SYT1: variants seen among roughly 807,000 people sequenced by gnomAD.
SYT1 encodes synaptotagmin 1.
Under a neutral mutation model 44.8 loss-of-function variants are expected in SYT1, and 8 were observed. The observed-to-expected ratio is 0.18, with a 90% CI of 0.10 to 0.32. The LOEUF is 0.32. Ranked by LOEUF, SYT1 falls within the 10% of genes least tolerant of loss-of-function variation. SYT1 has a pLI of 1.00. For synonymous variants in SYT1, 154 were observed against 188.8 expected, an observed-to-expected ratio of 0.82 and a Z score of 1.51; for missense variants, 286 against 509.3, an observed-to-expected ratio of 0.56 and a Z score of 4.22.
chr12:79,250,217 T>A (rs1039302714), intron 4 of SYT1, among the ~76,000 whole-genome samples: 2 of 152,162 alleles, frequency 1.3e-5, no homozygotes, highest in African/African-American at 2.4e-5. Flanking sequence ...GAGTTGAACA[T>A]CCCTTTTATA....
At chr12:79,408,183 T>C (rs1162816212) in intron 9 of SYT1, among the ~76,000 whole-genome samples, 1 of 152,132 alleles carries the variant, frequency 6.6e-6, no homozygotes, top group Non-Finnish European at 1.5e-5. Context: ...CAGAGGGGAT[T>C]TCCTATTGGT....
At chr12:79,287,209 T>C (rs572000685) in intron 5 of SYT1, among the ~76,000 whole-genome samples, 22 of 152,328 alleles carry the variant, frequency 1.4e-4, no homozygotes, top group Admixed American at 3.3e-4. Context: ...TTTGGAGCTA[T>C]GGAATGGATG....
chr12:79,308,843 C>G (rs1196480165), intron 8 of SYT1, among the ~76,000 whole-genome samples: 2 of 152,168 alleles, frequency 1.3e-5, no homozygotes, highest in Non-Finnish European at 2.9e-5. Flanking sequence ...GTATCATCTG[C>G]ACATACACAA....
intron 9 of SYT1, among the ~76,000 whole-genome samples, chr12:79,381,049 C>G (rs1374645925): frequency 6.6e-6 from 1 of 152,174 alleles, no homozygotes; most frequent in African/African-American, 2.4e-5. Context: ...CAACAATTTG[C>G]AGATAGGGCT....
intron 3 of SYT1, among the ~76,000 whole-genome samples, chr12:79,129,395 T>C (rs1175222766): frequency 6.6e-6 from 1 of 152,036 alleles, no homozygotes; most frequent in South Asian, 2.1e-4. Flanking sequence ...CAAAGAAAGA[T>C]CAAATGCTCA....
In SYT1 at chr12:79,198,411, T is replaced by C. The variant is rs183482448; in HGVS notation, c.-17-19092T>C. On this transcript the variant is annotated intron_variant, in intron 3 of 10. Coordinates refer to ENST00000261205, the MANE Select transcript of SYT1 (RefSeq NM_005639.3). ...TTATTATTCTTCATAGAGCAAAATGTTTCACAGTTAATCTTAACAGTACTT... is the reference window on the plus strand; with the variant it reads ...TTATTATTCTTCATAGAGCAAAATGCTTCACAGTTAATCTTAACAGTACTT... Among the ~76,000 whole-genome samples, 314 of 152,316 alleles carry C rather than the reference T, an allele frequency of 2.1e-3. 1 individual carries two copies. The highest frequency in any genetic ancestry group is 7.1e-3 in the African/African-American group (296 of 41,574).
intron 1 of SYT1, among the ~76,000 whole-genome samples, chr12:78,964,401 C>G (rs969872243): frequency 5.3e-5 from 8 of 152,010 alleles, no homozygotes; most frequent in African/African-American, 1.9e-4. Flanking sequence ...AAAAGAAATC[C>G]TTTATGTGCT....
intron 1 of SYT1, among the ~76,000 whole-genome samples, chr12:78,895,119 T>C (rs1189345524): frequency 2.0e-5 from 3 of 151,704 alleles, no homozygotes; most frequent in Non-Finnish European, 4.4e-5. Flanking sequence ...GTATTCTCCG[T>C]TGAGGTTTTC....
chr12:79,069,154 G>A (rs1876093699), intron 3 of SYT1, among the ~76,000 whole-genome samples: 1 of 152,148 alleles, frequency 6.6e-6, no homozygotes, highest in Non-Finnish European at 1.5e-5. Context: ...TCAGAAGAGA[G>A]AGAACAGGAA....
chr12:79,336,609 TG>T (rs1449706347), intron 8 of SYT1, among the ~76,000 whole-genome samples: 2 of 152,104 alleles, frequency 1.3e-5, no homozygotes, highest in Non-Finnish European at 2.9e-5. Flanking sequence ...TGGCCCCCTC[TG>T]ACCTCCCTAA....
intron 4 of SYT1, among the ~76,000 whole-genome samples, chr12:79,274,119 A>G (rs1199379294): frequency 2.6e-5 from 4 of 152,176 alleles, no homozygotes; most frequent in African/African-American, 9.7e-5. Context: ...AAACTCCCAA[A>G]TGAGATTCGT....
chr12:79,340,075 C>T (rs1882292022), intron 8 of SYT1, among the ~76,000 whole-genome samples: 1 of 152,088 alleles, frequency 6.6e-6, no homozygotes, highest in South Asian at 2.1e-4. Context: ...TTACTGTAGC[C>T]TTGTAGTATA....
chr12:78,923,593 C>A (rs974668417), intron 1 of SYT1, among the ~76,000 whole-genome samples: 1 of 151,740 alleles, frequency 6.6e-6, no homozygotes, highest in Non-Finnish European at 1.5e-5. Context: ...AGATTTCAGA[C>A]GTTCAGAATA....
chr12:79,209,933 G>T (rs1248518851), intron 3 of SYT1, among the ~76,000 whole-genome samples: 1 of 152,046 alleles, frequency 6.6e-6, no homozygotes, highest in Non-Finnish European at 1.5e-5. Flanking sequence ...TGCATTAGAA[G>T]ACTTTTTTTA....
chr12:78,976,832 A>G (rs1302921377), intron 1 of SYT1, among the ~76,000 whole-genome samples: 1 of 152,146 alleles, frequency 6.6e-6, no homozygotes, highest in Non-Finnish European at 1.5e-5. Flanking sequence ...CAAAGCCTCA[A>G]TTCTTAATTG....
intron 3 of SYT1, among the ~76,000 whole-genome samples, chr12:79,073,402 A>G (rs1229419633): frequency 2.0e-5 from 3 of 152,198 alleles, no homozygotes; most frequent in East Asian, 1.9e-4. Flanking sequence ...TAAAAGTAGT[A>G]TGTTATATGG....
intron 4 of SYT1, among the ~76,000 whole-genome samples, chr12:79,241,813 A>C (rs904585535): frequency 2.0e-5 from 3 of 152,336 alleles, no homozygotes; most frequent in Non-Finnish European, 4.4e-5. Context: ...TTAGAAATAG[A>C]TCACTTTTTT....
At chr12:79,082,653 C>T (rs899251130) in intron 3 of SYT1, among the ~76,000 whole-genome samples, 1 of 152,160 alleles carries the variant, frequency 6.6e-6, no homozygotes, top group Admixed American at 6.5e-5. Flanking sequence ...TATCCCTGAA[C>T]CCTTGCTGCT....
intron 8 of SYT1, among the ~76,000 whole-genome samples, chr12:79,312,942 T>C (rs1258550439): frequency 1.3e-5 from 2 of 152,192 alleles, no homozygotes; most frequent in Non-Finnish European, 2.9e-5. Flanking sequence ...ATAGACCTCA[T>C]TGCATGTCAC....
Sources: gnomAD v4.1 joint callset for allele counts (sites outside exome capture counted in the v4.1 genomes callset) on GRCh38, gnomAD v4.1.1 for gene constraint, MANE v1.5 for transcripts, NCBI Gene and HGNC (gene_info 2026-07-23, HGNC 2026-07-21) for gene names.